The following TMEM41B variants were observed in gnomAD, a reference collection of about 807,000 sequenced individuals.
TMEM41B encodes the protein protein stasimon.
In TMEM41B, 18 loss-of-function variants were observed where a neutral mutation model predicts 31.9. The ratio of observed to expected loss-of-function variants is 0.56; its 90% CI spans 0.39 to 0.84. The LOEUF (loss-of-function observed/expected upper bound fraction) is 0.84, where lower values mean the gene tolerates loss of function less well. Ranked by LOEUF, TMEM41B falls within the 40% of genes least tolerant of loss-of-function variation. The pLI is 0.00. For synonymous variants in TMEM41B, 144 were observed against 124.3 expected (o/e 1.16, Z -1.05); for missense variants, 322 against 348.0 (o/e 0.93, Z 0.59).
intron 4 of TMEM41B, chr11:9,288,121 C>G (rs1439701288): frequency 2.5e-6 from 1 of 406,368 alleles, no homozygotes. Flanking sequence ...CCCGACCCCC[C>G]CAGTTCCTAA....
chr11:9,281,800 A>C lies in TMEM41B; in HGVS notation c.*1624T>G, dbSNP rs1283234239. The stretch of plus-strand genomic sequence containing the variant: ...GCAATAAGTAATCAAAAGTAGCTCC[A>C]AACAACAAAGCCATCAATAGAAACA... On this transcript the variant is annotated 3_prime_UTR_variant, in exon 7 of 7. Coordinates refer to ENST00000528080, the MANE Select transcript of TMEM41B (RefSeq NM_015012.4). 6.6e-6 allele frequency: 1 copy of C among 152,256 alleles called. No individual in the cohort carries two copies. The highest frequency in any genetic ancestry group is 6.5e-5 in the Admixed American group (1 of 15,276). The allele number at this position is 152,256 out of a possible 1,614,324, so 9.4% of individuals were successfully genotyped here.
At chr11:9,298,870 T>C (rs1054417973) in intron 2 of TMEM41B, among the ~76,000 whole-genome samples, 1 of 152,102 alleles carries the variant, frequency 6.6e-6, no homozygotes, top group Non-Finnish European at 1.5e-5. Flanking sequence ...CATTACCACA[T>C]CAGGCTGGCC....
intron 1 of TMEM41B, among the ~76,000 whole-genome samples, chr11:9,306,187 C>G (rs1216896713): frequency 2.6e-5 from 4 of 151,312 alleles, no homozygotes; most frequent in South Asian, 2.1e-4. Context: ...CCATGTTGGC[C>G]AGGCTGGTCT....
At chr11:9,311,514 G>C (rs1214760716) in intron 1 of TMEM41B, 2 of 1,378,000 alleles carry the variant, frequency 1.5e-6, no homozygotes, top group Non-Finnish European at 2.0e-6. Context: ...AGGATGAGGG[G>C]GCCAACCTGG....
intron 3 of TMEM41B, among the ~76,000 whole-genome samples, chr11:9,291,506 A>G (rs1162158621): frequency 1.3e-5 from 2 of 151,486 alleles, no homozygotes; most frequent in African/African-American, 2.4e-5. Flanking sequence ...GGTTCAAGCG[A>G]TTCTCCTGCC....
In TMEM41B at chr11:9,283,503, A is replaced by G; in HGVS notation, c.797T>C (p.Ile266Thr). The change falls in exon 7 of 7, where the codon ATA becomes ACA. Residue 266 changes from isoleucine to threonine, a missense_variant. Ile to Thr is a moderately conservative substitution (Grantham distance 89). Transcript: ENST00000528080. ...AACAGCCAAGATCATCAGAATAAAT[A>G]TTGAGTTCCAGGAAACAGCTTCTCC... ...TAGEAVSWNS[I>T]FILMILAVLS... is the part of the protein sequence containing the mutation. 1 of 1,613,772 alleles carries G rather than the reference A, an allele frequency of 6.2e-7. No individual in the cohort carries two copies. Among genetic ancestry groups the G allele is most frequent in the Non-Finnish European group, 8.5e-7 (1 of 1,179,898 alleles).
chr11:9,286,965 A>G (rs186044117), intron 5 of TMEM41B, among the ~76,000 whole-genome samples: 3 of 151,836 alleles, frequency 2.0e-5, no homozygotes, highest in East Asian at 1.9e-4. Context: ...ACGCCACTGC[A>G]CTTCAGCTTG....
At chr11:9,297,182 T>A (rs1483660949) in intron 2 of TMEM41B, among the ~76,000 whole-genome samples, 2 of 152,166 alleles carry the variant, frequency 1.3e-5, no homozygotes, top group Non-Finnish European at 2.9e-5. Context: ...CCTCCCAGGT[T>A]CACGCCATTC....
chr11:9,297,814 T>C (rs1318669377), intron 2 of TMEM41B, among the ~76,000 whole-genome samples: 1 of 152,086 alleles, frequency 6.6e-6, no homozygotes, highest in Non-Finnish European at 1.5e-5. Context: ...TGAGTCCTCA[T>C]TTGTTTACAT....
rs1369150545 is a variant in TMEM41B at position 9,282,562 on chromosome 11, A to C, written c.*862T>G. ...TAAAAAACAAAAATAAAATTAACAAAATAGATAACTTGATATCCTTTCCAT... is the reference window on the plus strand; with the variant it reads ...TAAAAAACAAAAATAAAATTAACAACATAGATAACTTGATATCCTTTCCAT... On this transcript the variant is annotated 3_prime_UTR_variant, in exon 7 of 7. Coordinates refer to ENST00000528080, the MANE Select transcript of TMEM41B (RefSeq NM_015012.4). The C allele has an allele frequency of 2.0e-5, 3 of 152,168 alleles. No homozygotes were observed. The highest frequency in any genetic ancestry group is 7.2e-5 in the African/African-American group (3 of 41,442). The allele number at this position is 152,168 out of a possible 1,614,324, so 9.4% of individuals were successfully genotyped here.
intron 1 of TMEM41B, among the ~76,000 whole-genome samples, chr11:9,309,236 A>C (rs527503481): frequency 9.0e-5 from 12 of 134,050 alleles, no homozygotes; most frequent in African/African-American, 3.1e-4. Flanking sequence ...AAAAGAGTGA[A>C]ACTCCATTTC....
rs1853566113 is a variant in TMEM41B at position 9,311,681 on chromosome 11, ATT to A, written c.121+2638_121+2639del. The A allele has an allele frequency of 3.8e-6, 3 of 790,938 alleles. No homozygotes were observed. The East Asian group carries it at 7.4e-5, about 19-fold the overall frequency. 49.0% of individuals were successfully genotyped at this position (790,938 alleles called of 1,614,324 possible). A position where few individuals can be genotyped will look rare whatever the true frequency, so the allele number is the denominator to read the frequency against. Reference sequence around the variant, plus strand: ...TTGGCCCTGGCTGCCTGGCACTGGGATTCCACATGTTTAGGTGTGTCCTCCAG... The same window carrying A: ...TTGGCCCTGGCTGCCTGGCACTGGGACCACATGTTTAGGTGTGTCCTCCAG... On this transcript the variant is annotated intron_variant, in intron 1 of 6. Transcript: ENST00000528080.
At chr11:9,299,559 T>G (rs952471827) in intron 2 of TMEM41B, 25 bp downstream of exon 2, 1 of 1,405,654 alleles carries the variant, frequency 7.1e-7, no homozygotes, top group Non-Finnish European at 1.0e-6. Flanking sequence ...CTATACATTT[T>G]CAGTTTATCT....
intron 1 of TMEM41B, among the ~76,000 whole-genome samples, chr11:9,312,772 T>C (rs1239444349): frequency 1.3e-5 from 2 of 151,662 alleles, no homozygotes; most frequent in Admixed American, 6.6e-5. Context: ...GGCGTGGTGG[T>C]GGGCGCCTGT....
intron 1 of TMEM41B, among the ~76,000 whole-genome samples, chr11:9,302,846 TA>T (rs1416462655): frequency 3.1e-5 from 3 of 98,132 alleles, no homozygotes; most frequent in Admixed American, 2.0e-4. Context: ...TACTATTTTT[TA>T]AAAAAAAATC....
chr11:9,306,217 A>C (rs56916857), intron 1 of TMEM41B, among the ~76,000 whole-genome samples: 1 of 151,280 alleles, frequency 6.6e-6, no homozygotes, highest in Non-Finnish European at 1.5e-5. Flanking sequence ...GACCTCAGGT[A>C]ATCCGCCCAC....
intron 2 of TMEM41B, among the ~76,000 whole-genome samples, chr11:9,297,008 C>T (rs1853110735): frequency 6.6e-6 from 1 of 152,174 alleles, no homozygotes; most frequent in Admixed American, 6.5e-5. Flanking sequence ...ATATTACCTC[C>T]ATCTCCTAGG....
intron 2 of TMEM41B, among the ~76,000 whole-genome samples, chr11:9,298,422 G>T (rs553733590): frequency 2.0e-4 from 29 of 143,446 alleles, no homozygotes; most frequent in Non-Finnish European, 4.2e-4. Context: ...TGGCACCATT[G>T]CACTCCAGCC....
rs1343019546 is a variant in TMEM41B at position 9,281,645 on chromosome 11, G to A, written c.*1779C>T. ...TATGTCCTACAGTCAAGGAATCAAGGGCATTACCCATTTACCAAGCAGCAA... is the reference window on the plus strand; with the variant it reads ...TATGTCCTACAGTCAAGGAATCAAGAGCATTACCCATTTACCAAGCAGCAA... On this transcript the variant is annotated 3_prime_UTR_variant, in exon 7 of 7. Transcript: ENST00000528080. 1 of 152,058 alleles carries A rather than the reference G, an allele frequency of 6.6e-6. No individual in the cohort carries two copies. Among genetic ancestry groups the A allele is most frequent in the African/African-American group, 2.4e-5 (1 of 41,400 alleles). 9.4% of individuals were successfully genotyped at this position (152,058 alleles called of 1,614,324 possible).
Sources: allele counts gnomAD v4.1 joint callset (sites outside exome capture counted in the v4.1 genomes callset), GRCh38; gene constraint gnomAD v4.1.1; transcripts MANE v1.5; gene names NCBI Gene and HGNC (gene_info 2026-07-23, HGNC 2026-07-21).